SCN9A: variants seen among roughly 807,000 people sequenced by gnomAD.
SCN9A encodes the protein sodium voltage-gated channel alpha subunit 9.
SCN9A carries 131 observed loss-of-function variants against 187.0 expected under a neutral mutation model. The observed-to-expected ratio is 0.70, with a 90% CI of 0.61 to 0.81. The LOEUF is 0.81. SCN9A is among the 30% of genes least tolerant of loss of function. The pLI is 0.00. For missense variants in SCN9A, 2,252 were observed against 2,396.6 expected (o/e 0.94, Z 1.26); for synonymous variants, 809 against 808.6 (o/e 1.00, Z -0.01).
intron 19 of SCN9A, among the ~76,000 whole-genome samples, chr2:166,240,892 T>A (rs2155876): frequency 0.86 from 130,896 of 152,098 alleles, 56,377 homozygotes; most frequent in East Asian, 0.94. Flanking sequence ...TATAAAAGGA[T>A]GCATTCCCTA....
chr2:166,331,582 A>T (rs1699504131), intron 1 of SCN9A, among the ~76,000 whole-genome samples: 1 of 152,212 alleles, frequency 6.6e-6, no homozygotes, highest in African/African-American at 2.4e-5. Flanking sequence ...AATGAGCAAG[A>T]CATCCTAATA....
chr2:166,305,715 AG>A (rs1403158923), intron 5 of SCN9A, 76 bp downstream of exon 5: 8 of 1,575,982 alleles, frequency 5.1e-6, no homozygotes, highest in Non-Finnish European at 6.1e-6. Flanking sequence ...CAGACCCCAG[AG>A]GTTTGCTGTT....
At chr2:166,230,607 T>G (rs1695041032) in intron 21 of SCN9A, among the ~76,000 whole-genome samples, 1 of 152,168 alleles carries the variant, frequency 6.6e-6, no homozygotes, top group East Asian at 1.9e-4. Flanking sequence ...TCTTCAGTCA[T>G]GAAATGTCTG....
chr2:166,375,199 T>G (rs1174031083), intron 1 of SCN9A, among the ~76,000 whole-genome samples: 1 of 152,180 alleles, frequency 6.6e-6, no homozygotes, highest in Admixed American at 6.5e-5. Flanking sequence ...TATTTGTGTT[T>G]GTGTGCTCTT....
Position 166,272,629 on chromosome 2 carries a change from G to T in SCN9A, c.3121C>A (p.His1041Asn), listed in dbSNP as rs200163274. ...NTKKENYISN[H>N]TLAEMSKGHN... ...CCTTTGCTCATTTCAGCAAGTGTAT[G>T]GTTAGAAATATAGTTTTCCTTCTTA... The change falls in exon 17 of 27, where the codon CAT (histidine) becomes AAT (asparagine). Residue 1041 changes from histidine to asparagine, a missense_variant. Coordinates refer to ENST00000642356, the MANE Select transcript of SCN9A (RefSeq NM_001365536.1). 4 of 1,613,004 alleles carry T rather than the reference G, an allele frequency of 2.5e-6. No individual in the cohort carries two copies. The highest frequency in any genetic ancestry group is 3.4e-6 in the Non-Finnish European group (4 of 1,179,580).
chr2:166,293,002 C>T (rs575790223), intron 9 of SCN9A, among the ~76,000 whole-genome samples: 80 of 151,784 alleles, frequency 5.3e-4, no homozygotes, highest in Non-Finnish European at 1.0e-3. Flanking sequence ...CTCAGGAAGG[C>T]GAGAGATCTA....
Position 166,216,535 on chromosome 2 carries a change from T to C in SCN9A, c.4398+10032A>G, listed in dbSNP as rs548431261. Among the ~76,000 whole-genome samples, 3 of 152,190 alleles carry C rather than the reference T, an allele frequency of 2.0e-5. 1 individual carries two copies. Among genetic ancestry groups the C allele is most frequent in the African/African-American group, 4.8e-5 (2 of 41,578 alleles). On this transcript the variant is annotated intron_variant, in intron 24 of 26. Coordinates refer to ENST00000642356, the MANE Select transcript of SCN9A (RefSeq NM_001365536.1). The stretch of plus-strand genomic sequence containing the variant: ...AAACTGATACATAAATTCAGTAAAG[T>C]TGCAGTTTGCAAAATCAACATAGAA...
intron 1 of SCN9A, among the ~76,000 whole-genome samples, chr2:166,341,569 G>A (rs915482220): frequency 4.6e-5 from 7 of 152,166 alleles, no homozygotes; most frequent in African/African-American, 9.7e-5. Flanking sequence ...ATGTACATGG[G>A]TCTCTTTAAG....
chr2:166,227,596 T>G (rs1394526530), intron 23 of SCN9A, 74 bp downstream of exon 23: 1 of 860,350 alleles, frequency 1.2e-6, no homozygotes, highest in Non-Finnish European at 1.9e-6. Context: ...CATGAAGTTA[T>G]AGTTTGGAAA....
In SCN9A at chr2:166,222,942, C is replaced by CAAAAAAAA. The variant is rs1558960810; in HGVS notation, c.4398+3624_4398+3625insTTTTTTTT. On this transcript the variant is annotated intron_variant, in intron 24 of 26. Transcript: ENST00000642356. ...CGAAACTCCGTCTCAAAAAAAAAAA[C>CAAAAAAAA]AACAAAAAAAAAAAAAAAAAAAAAA... Among the ~76,000 whole-genome samples, 3 of 55,294 alleles carry CAAAAAAAA rather than the reference C, an allele frequency of 5.4e-5. 1 individual carries two copies. Among genetic ancestry groups the CAAAAAAAA allele is most frequent in the African/African-American group, 8.0e-5 (1 of 12,426 alleles). 36.3% of individuals were successfully genotyped at this position (55,294 alleles called of 152,430 possible).
chr2:166,311,925 TAGAATTATCAGCTTGTTA>T, intron 1 of SCN9A, 119 bp from the exon 2 acceptor site: 1 of 550,984 alleles, frequency 1.8e-6, no homozygotes, highest in Non-Finnish European at 3.0e-6. Context: ...TAACATGTTC[TAGAATTATCAGCTTGTTA>T]AGGGATTACT....
intron 24 of SCN9A, among the ~76,000 whole-genome samples, chr2:166,218,682 C>T (rs554343791): frequency 6.6e-6 from 1 of 152,064 alleles, no homozygotes; most frequent in South Asian, 2.1e-4. Flanking sequence ...GATGAAGACA[C>T]CAAAAGCAAC....
intron 4 of SCN9A, among the ~76,000 whole-genome samples, chr2:166,306,128 T>C (rs574724729): frequency 6.6e-6 from 1 of 152,084 alleles, no homozygotes; most frequent in Non-Finnish European, 1.5e-5. Flanking sequence ...AAAGCAGAGG[T>C]ACTTGAAATA....
At position 166,303,192 on chromosome 2, in the gene SCN9A, A is replaced by G. The variant is rs1698633485; in HGVS notation, c.799T>C (p.Phe267Leu). The change falls in exon 7 of 27, where the codon TTC (phenylalanine) becomes CTC (leucine). Residue 267 changes from phenylalanine to leucine, a missense_variant. Physicochemically the swap from Phe to Leu is conservative, Grantham distance 22 (BLOSUM62 0). Transcript: ENST00000642356. Reference sequence around the variant, plus strand: ...CATTTATGCTTCAGGTTTCCCATGAACAGCTGTAGTCCAATTAGTGCAAAC... The same window carrying G: ...CATTTATGCTTCAGGTTTCCCATGAGCAGCTGTAGTCCAATTAGTGCAAAC... Reference protein sequence around the residue: ...SVFALIGLQLFMGNLKHKCFR... With the variant: ...SVFALIGLQLLMGNLKHKCFR... The G allele has an allele frequency of 6.2e-7, 1 of 1,613,614 alleles. No individual in the cohort carries two copies. The highest frequency in any genetic ancestry group is 1.1e-5 in the South Asian group (1 of 91,066).
intron 26 of SCN9A, among the ~76,000 whole-genome samples, chr2:166,201,786 G>A (rs965427648): frequency 2.6e-5 from 4 of 151,310 alleles, no homozygotes; most frequent in Non-Finnish European, 5.9e-5. Context: ...TCTAATGGCA[G>A]TATATGATAG....
intron 1 of SCN9A, among the ~76,000 whole-genome samples, chr2:166,323,533 C>A (rs749217434): frequency 6.6e-6 from 1 of 152,024 alleles, no homozygotes; most frequent in East Asian, 1.9e-4. Flanking sequence ...GAAGTAAACA[C>A]CAACACTAAT....
chr2:166,289,943 G>A (rs1423131621), intron 9 of SCN9A, among the ~76,000 whole-genome samples: 1 of 152,092 alleles, frequency 6.6e-6, no homozygotes, highest in Non-Finnish European at 1.5e-5. Flanking sequence ...TACATGTGAA[G>A]AACATGCAGG....
intron 17 of SCN9A, among the ~76,000 whole-genome samples, chr2:166,270,522 A>G (rs1696929821): frequency 6.6e-6 from 1 of 152,030 alleles, no homozygotes; most frequent in African/African-American, 2.4e-5. Flanking sequence ...AGAAACATAT[A>G]TCATGATTTA....
chr2:166,314,454 A>G (rs1559037095), intron 1 of SCN9A, among the ~76,000 whole-genome samples: 1 of 152,202 alleles, frequency 6.6e-6, no homozygotes, highest in Non-Finnish European at 1.5e-5. Context: ...CAATTCCACT[A>G]CTTGGTACAG....
Sources: gnomAD v4.1 joint callset for allele counts (sites outside exome capture counted in the v4.1 genomes callset) on GRCh38, gnomAD v4.1.1 for gene constraint, MANE v1.5 for transcripts, NCBI Gene and HGNC (gene_info 2026-07-23, HGNC 2026-07-21) for gene names.